ACSBG1: variants seen among roughly 807,000 people sequenced by gnomAD.
ACSBG1 encodes the protein acyl-CoA synthetase bubblegum family member 1, also known as long-chain-fatty-acid--CoA ligase ACSBG1.
A neutral mutation model predicts 80.2 loss-of-function variants in ACSBG1; 39 were observed. The ratio of observed to expected loss-of-function variants is 0.49; its 90% CI spans 0.38 to 0.64. The LOEUF (loss-of-function observed/expected upper bound fraction) is 0.64, where lower values mean the gene tolerates loss of function less well. ACSBG1 is among the 30% of genes least tolerant of loss of function. The pLI is 0.00. For missense variants in ACSBG1, 828 were observed against 966.4 expected (o/e 0.86, Z 1.90); for synonymous variants, 392 against 379.5 (o/e 1.03, Z -0.38).
At chr15:78,199,926 G>T (rs533021091) in intron 2 of ACSBG1, among the ~76,000 whole-genome samples, 1 of 152,164 alleles carries the variant, frequency 6.6e-6, no homozygotes, top group East Asian at 1.9e-4. Flanking sequence ...TGTACTCCAC[G>T]GTTGGGCCCT....
At chr15:78,204,136 C>T (rs2075192587) in intron 2 of ACSBG1, among the ~76,000 whole-genome samples, 2 of 152,354 alleles carry the variant, frequency 1.3e-5, no homozygotes, top group Admixed American at 1.3e-4. Flanking sequence ...GACTGAAGAG[C>T]TCTGAGTTCT....
chr15:78,194,524 G>A lies in ACSBG1; in HGVS notation c.435C>T (p.Ala145=), dbSNP rs370940723. The change falls in exon 3 of 14, where the codon GCC becomes GCT. Residue 145 remains alanine (A), a synonymous_variant. Transcript: ENST00000258873. ...CCCTTACCTTCAGGAAGCCCTTGGCGGCTCTGCGGGCGAGCAGGTAGTATT... is the reference window on the plus strand; with the variant it reads ...CCCTTACCTTCAGGAAGCCCTTGGCAGCTCTGCGGGCGAGCAGGTAGTATT... ...YSQYYLLARR[A]AKGFLKLGLK... The A allele has an allele frequency of 2.4e-5, 39 of 1,614,192 alleles. No homozygotes were observed. The highest frequency in any genetic ancestry group is 1.5e-4 in the African/African-American group (11 of 75,074).
rs2075361316 is a variant in ACSBG1 at position 78,221,727 on chromosome 15, G to A, written c.131+12644C>T. ...GACAATACCCAGGCTTTCTTGGGCA[G>A]AGGTCCCTGCGGCTTTCTGCAGTAC... is the stretch of plus-strand genomic sequence containing the variant. On this transcript the variant is annotated intron_variant, in intron 1 of 13. Coordinates refer to ENST00000258873, the MANE Select transcript of ACSBG1 (RefSeq NM_015162.5). 2.6e-5 allele frequency among the ~76,000 whole-genome samples: 4 copies of A among 152,298 alleles called. No individual in the cohort carries two copies. In the South Asian group the frequency reaches 8.3e-4, roughly 32 times the overall value.
In ACSBG1 at chr15:78,208,022, T is replaced by C; in HGVS notation, c.212A>G (p.Asn71Ser). 6.6e-7 allele frequency: 1 copy of C among 1,518,358 alleles called. No homozygotes were observed. Among genetic ancestry groups the C allele is most frequent in the Non-Finnish European group, 8.9e-7 (1 of 1,118,642 alleles). The allele number at this position is 1,518,358 out of a possible 1,614,324, so 94.1% of individuals were successfully genotyped here. The change falls in exon 2 of 14, where the codon AAT becomes AGT. Residue 71 changes from asparagine (N) to serine (S), a missense_variant. Physicochemically the swap from Asn to Ser is conservative, Grantham distance 46. This residue lies in a region of ACSBG1 where 356 missense variants were observed against 363.5 expected (regional missense o/e 0.98). Transcript: ENST00000258873. ...LELSVPEKVNNAQWDAPEEAL... is the reference protein window; with the variant it reads ...LELSVPEKVNSAQWDAPEEAL... ...CTTACCTGGAGCATCCCACTGGGCA[T>C]TATTCACCTTCTCTGGCACTGAGAG...
chr15:78,208,414 G>A (rs1354881994), intron 1 of ACSBG1, among the ~76,000 whole-genome samples: 1 of 152,086 alleles, frequency 6.6e-6, no homozygotes, highest in East Asian at 1.9e-4. Context: ...TGCCTCTCTC[G>A]GGGTCTCAGC....
At chr15:78,217,370 C>T (rs1308217108) in intron 1 of ACSBG1, among the ~76,000 whole-genome samples, 5 of 152,104 alleles carry the variant, frequency 3.3e-5, no homozygotes, top group Non-Finnish European at 7.4e-5. Context: ...TTAGCAGAGT[C>T]ACAATATATA....
At chr15:78,203,581 A>C (rs2075187665) in intron 2 of ACSBG1, among the ~76,000 whole-genome samples, 1 of 152,084 alleles carries the variant, frequency 6.6e-6, no homozygotes, top group Non-Finnish European at 1.5e-5. Flanking sequence ...GTATCTTATC[A>C]ATCCACCCTT....
At chr15:78,212,661 C>T (rs538309053) in intron 1 of ACSBG1, 52 of 452,630 alleles carry the variant, frequency 1.1e-4, no homozygotes, top group African/African-American at 1.0e-3. Flanking sequence ...CCTCAGAGAA[C>T]ATGTCACGGA....
rs776683371 is a variant in ACSBG1, at chr15:78,182,427, C to T, written c.894+39G>A. On this transcript the variant is annotated intron_variant, in intron 7 of 13. Transcript: ENST00000258873. ...CCATGGCCCAGATCCACCCATAACC[C>T]CCTTGCACCCCCCCCACCCCACCGG... 7.5e-6 allele frequency: 12 copies of T among 1,596,892 alleles called. No individual in the cohort carries two copies. The East Asian group carries it at 2.7e-4, about 36-fold the overall frequency.
At chr15:78,182,870 CT>C in intron 5 of ACSBG1, 85 bp from the exon 6 acceptor site, 1 of 1,469,594 alleles carries the variant, frequency 6.8e-7, no homozygotes, top group Non-Finnish European at 9.4e-7. Context: ...TGTGAGTCGG[CT>C]TAGTAAAGGT....
Position 78,182,559 on chromosome 15 carries a change from G to A in ACSBG1, c.801C>T (p.Ile267=). Residue 267 remains isoleucine (I), a synonymous_variant, in exon 7 of 14, where the codon ATC becomes ATT. Transcript: ENST00000258873. ...NEVPEEALDA[I]IDTQQPNQCC... is the part of the protein sequence containing the mutation. ...ACTGGTTGGGCTGCTGGGTGTCAAT[G>A]ATGGCGTCCAGGGCTTCCTCAGGCA... 1.9e-6 allele frequency: 3 copies of A among 1,614,166 alleles called. No individual in the cohort carries two copies. Among genetic ancestry groups the A allele is most frequent in the Non-Finnish European group, 1.7e-6 (2 of 1,180,014 alleles).
At chr15:78,219,218 C>A (rs2075339308) in intron 1 of ACSBG1, among the ~76,000 whole-genome samples, 1 of 152,100 alleles carries the variant, frequency 6.6e-6, no homozygotes, top group Non-Finnish European at 1.5e-5. Context: ...TCCTAGGAAG[C>A]AATCGACTGG....
chr15:78,191,171 C>T (rs1275712155), intron 5 of ACSBG1, among the ~76,000 whole-genome samples: 5 of 152,288 alleles, frequency 3.3e-5, no homozygotes, highest in Admixed American at 6.5e-5. Context: ...TAAGGAGGAA[C>T]ATTTCTTAAT....
chr15:78,175,518 C>T (rs753227830), intron 11 of ACSBG1, among the ~76,000 whole-genome samples: 7 of 152,140 alleles, frequency 4.6e-5, no homozygotes, highest in East Asian at 1.9e-4. Flanking sequence ...TAAACATGAA[C>T]GGGAGTTGGC....
intron 1 of ACSBG1, among the ~76,000 whole-genome samples, chr15:78,228,151 C>G (rs2075418815): frequency 6.6e-6 from 1 of 152,142 alleles, no homozygotes; most frequent in Admixed American, 6.5e-5. Flanking sequence ...TTACAGTTTC[C>G]AAAGCACCTT....
chr15:78,232,676 T>A (rs1258093511), intron 1 of ACSBG1, among the ~76,000 whole-genome samples: 1 of 151,850 alleles, frequency 6.6e-6, no homozygotes, highest in Admixed American at 6.6e-5. Flanking sequence ...GCACATTTAT[T>A]TCTTTTTCTT....
At chr15:78,231,587 A>G (rs1179829985) in intron 1 of ACSBG1, among the ~76,000 whole-genome samples, 1 of 151,776 alleles carries the variant, frequency 6.6e-6, no homozygotes, top group African/African-American at 2.4e-5. Flanking sequence ...TGCCTAGCCT[A>G]TTTTTTATTT....
intron 1 of ACSBG1, chr15:78,212,523 G>T (rs1177220329): frequency 4.4e-6 from 2 of 455,274 alleles, no homozygotes; most frequent in Admixed American, 2.4e-5. Context: ...CAGGAGGCGG[G>T]GGAAGGTGGG....
Position 78,217,566 on chromosome 15 carries a change from A to T in ACSBG1, c.132-9464T>A, listed in dbSNP as rs569113946. On this transcript the variant is annotated intron_variant, in intron 1 of 13. Transcript: ENST00000258873. The stretch of plus-strand genomic sequence containing the variant: ...TTCATCATCAGACCCTTTTGGAAAA[A>T]TTTTTTTTTTTTTTTTTGAGATGGA... Among the ~76,000 whole-genome samples the T allele has an allele frequency of 5.6e-3, 786 of 139,156 alleles. 9 individuals are homozygous for T. The highest frequency in any genetic ancestry group is 0.02 in the African/African-American group (741 of 37,748). 91.3% of individuals were successfully genotyped at this position (139,156 alleles called of 152,430 possible).
Sources: gnomAD v4.1 joint callset for allele counts (sites outside exome capture counted in the v4.1 genomes callset) on GRCh38, gnomAD v4.1.1 for gene constraint, gnomAD v4.1.1 regional missense constraint, MANE v1.5 for transcripts, NCBI Gene and HGNC (gene_info 2026-07-23, HGNC 2026-07-21) for gene names.